Variants in PTPN3 observed in about 807,000 individuals in gnomAD.
PTPN3 encodes the protein tyrosine-protein phosphatase non-receptor type 3.
In PTPN3, 96 loss-of-function variants were observed where a neutral mutation model predicts 132.7. The ratio of observed to expected loss-of-function variants is 0.72; its 90% CI spans 0.61 to 0.86. The LOEUF is 0.86. Ranked by LOEUF, PTPN3 falls within the 40% of genes least tolerant of loss-of-function variation. PTPN3 has a pLI of 0.00. For missense variants in PTPN3, 1,125 were observed against 1,159.6 expected (o/e 0.97, Z 0.43); for synonymous variants, 398 against 429.0 (o/e 0.93, Z 0.89).
Position 109,376,056 on chromosome 9 carries a change from T to C in PTPN3, c.*3500A>G, listed in dbSNP as rs1024057553. On this transcript the variant is annotated 3_prime_UTR_variant, in exon 26 of 26. Transcript: ENST00000374541. The stretch of plus-strand genomic sequence containing the variant: ...CGCCAAAGTCTGAGGGACAAACTCT[T>C]GGTGACAAGTCTCAGAAATGTGACA... 1 of 152,214 alleles carries C rather than the reference T, an allele frequency of 6.6e-6. No individual in the cohort carries two copies. The highest frequency in any genetic ancestry group is 2.4e-5 in the African/African-American group (1 of 41,456). 9.4% of individuals were successfully genotyped at this position (152,214 alleles called of 1,614,324 possible).
intron 7 of PTPN3, among the ~76,000 whole-genome samples, chr9:109,444,796 A>T (rs1006715623): frequency 1.6e-4 from 24 of 152,324 alleles, no homozygotes; most frequent in African/African-American, 5.8e-4. Context: ...AGTGTTTTAG[A>T]GTAGCACCAA....
chr9:109,397,497 G>A (rs760007578), intron 19 of PTPN3: 7 of 152,184 alleles, frequency 4.6e-5, no homozygotes, highest in Non-Finnish European at 1.0e-4. Context: ...GGTTGTTTTA[G>A]TACCACTTGG....
intron 19 of PTPN3, 124 bp from the exon 20 acceptor site, chr9:109,391,685 A>G (rs1292016742): frequency 4.4e-6 from 3 of 685,454 alleles, no homozygotes; most frequent in Non-Finnish European, 4.6e-6. Context: ...GTTATATACT[A>G]AAAGAAAATC....
intron 1 of PTPN3, among the ~76,000 whole-genome samples, chr9:109,487,152 G>A (rs557283257): frequency 6.6e-6 from 1 of 152,224 alleles, no homozygotes; most frequent in African/African-American, 2.4e-5. Flanking sequence ...AGGCCTGCAG[G>A]ACAGTAAGAT....
At chr9:109,495,196 C>T (rs896510685) in intron 1 of PTPN3, among the ~76,000 whole-genome samples, 1 of 152,208 alleles carries the variant, frequency 6.6e-6, no homozygotes, top group African/African-American at 2.4e-5. Flanking sequence ...CCAGCCCTTC[C>T]AGACCAGGGT....
At chr9:109,470,567 C>T (rs1846329040) in intron 1 of PTPN3, among the ~76,000 whole-genome samples, 1 of 151,754 alleles carries the variant, frequency 6.6e-6, no homozygotes, top group Admixed American at 6.6e-5. Context: ...GTGGTGGCAC[C>T]TGTCTGTAGT....
Position 109,422,719 on chromosome 9 carries a change from A to C in PTPN3, c.1135T>G (p.Trp379Gly). Residue 379 changes from tryptophan to glycine, a missense_variant and splice_region_variant, in exon 13 of 26, where the codon TGG becomes GGG. Coordinates refer to ENST00000374541, the MANE Select transcript of PTPN3 (RefSeq NM_002829.4). ...PSRSPPITPN[W>G]RSPRLRHEIR... ...AAAAAAAAAAAAAGGAGGACATACC[A>C]GTTGGGAGTAATGGGAGGGGAACGA... 6.2e-7 allele frequency: 1 copy of C among 1,601,214 alleles called. No individual in the cohort carries two copies. The highest frequency in any genetic ancestry group is 8.5e-7 in the Non-Finnish European group (1 of 1,173,642).
At position 109,375,906 on chromosome 9, in the gene PTPN3, A is replaced by T. The variant is rs956499576; in HGVS notation, c.*3650T>A. On this transcript the variant is annotated 3_prime_UTR_variant, in exon 26 of 26. Coordinates refer to ENST00000374541, the MANE Select transcript of PTPN3 (RefSeq NM_002829.4). ...AATGGTGGCCCAGCCCGGCCATCAG[A>T]CTCCCAAGCATTTGGTCCCCGGTCT... 6.6e-6 allele frequency: 1 copy of T among 152,064 alleles called. No homozygotes were observed. The highest frequency in any genetic ancestry group is 2.4e-5 in the African/African-American group (1 of 41,380). The allele number at this position is 152,064 out of a possible 1,614,324, so 9.4% of individuals were successfully genotyped here.
chr9:109,464,465 C>T (rs74488010), intron 1 of PTPN3, among the ~76,000 whole-genome samples: 2 of 152,250 alleles, frequency 1.3e-5, no homozygotes, highest in Non-Finnish European at 2.9e-5. Flanking sequence ...ATGCTTATGA[C>T]GCATTTGACA....
intron 22 of PTPN3, 90 bp downstream of exon 22, chr9:109,389,143 C>G (rs537982924): frequency 1.3e-6 from 2 of 1,499,344 alleles, no homozygotes; most frequent in East Asian, 2.3e-5. Flanking sequence ...GACCAGGAGA[C>G]GCTGAAGACC....
chr9:109,514,685 G>A, the PTPN3 span, among the ~76,000 whole-genome samples: 1 of 152,126 alleles, frequency 6.6e-6, no homozygotes, highest in African/African-American at 2.4e-5. Flanking sequence ...CAAGTTCTTT[G>A]CTCCTCTCTG....
chr9:109,443,186 C>T (rs1317599326), intron 7 of PTPN3, among the ~76,000 whole-genome samples: 4 of 151,470 alleles, frequency 2.6e-5, no homozygotes, highest in African/African-American at 9.7e-5. Flanking sequence ...ACAGATACTA[C>T]CCCCTCAGTC....
At chr9:109,429,086 C>T (rs1025801911) in intron 10 of PTPN3, 18 of 976,774 alleles carry the variant, frequency 1.8e-5, no homozygotes, top group African/African-American at 3.5e-5. Flanking sequence ...TTAACAGCCA[C>T]GTGTCAAGTA....
intron 1 of PTPN3, among the ~76,000 whole-genome samples, chr9:109,497,854 G>C (rs1432562520): frequency 6.6e-6 from 1 of 151,584 alleles, no homozygotes; most frequent in Non-Finnish European, 1.5e-5. Flanking sequence ...CGGGGTCGCG[G>C]CGGCACGGGG....
intron 2 of PTPN3, among the ~76,000 whole-genome samples, chr9:109,462,001 T>G (rs190484882): frequency 6.6e-6 from 1 of 152,306 alleles, no homozygotes; most frequent in East Asian, 1.9e-4. Context: ...ACAACTGAAT[T>G]TCCTTGCTGG....
the PTPN3 span, among the ~76,000 whole-genome samples, chr9:109,504,008 G>A: frequency 2.0e-5 from 3 of 152,200 alleles, no homozygotes; most frequent in African/African-American, 4.8e-5. Flanking sequence ...ATTGTAAAAA[G>A]AGCAGGGTAA....
intron 21 of PTPN3, among the ~76,000 whole-genome samples, chr9:109,390,808 T>C (rs566936818): frequency 9.1e-4 from 139 of 152,088 alleles, no homozygotes; most frequent in African/African-American, 3.2e-3. Flanking sequence ...TGGAGAGAAA[T>C]AGACAGTTTC....
At chr9:109,458,592 C>T (rs893749014) in intron 2 of PTPN3, among the ~76,000 whole-genome samples, 1 of 152,194 alleles carries the variant, frequency 6.6e-6, no homozygotes, top group Non-Finnish European at 1.5e-5. Context: ...CCTGCAGAGA[C>T]TTCTTTGGGG....
chr9:109,468,533 A>AT (rs1846215959), intron 1 of PTPN3, among the ~76,000 whole-genome samples: 2 of 151,734 alleles, frequency 1.3e-5, no homozygotes, highest in African/African-American at 4.8e-5. Flanking sequence ...CGCCCGGCTA[A>AT]TTTTTTGTAT....
Sources: gnomAD v4.1 joint callset for allele counts (sites outside exome capture counted in the v4.1 genomes callset) on GRCh38, gnomAD v4.1.1 for gene constraint, MANE v1.5 for transcripts, NCBI Gene and HGNC (gene_info 2026-07-23, HGNC 2026-07-21) for gene names.